RUNX1: variants seen among roughly 807,000 people sequenced by gnomAD.
The protein encoded by RUNX1 is runt-related transcription factor 1.
Under a neutral mutation model 42.8 loss-of-function variants are expected in RUNX1, and 19 were observed. That is an observed-to-expected ratio of 0.44 (90% CI 0.31 to 0.65). RUNX1 has a LOEUF of 0.65. Among genes scored for constraint, RUNX1 ranks in the 30% least tolerant of loss-of-function variants. The pLI, the probability that RUNX1 is intolerant of heterozygous loss-of-function variation, is 0.07. For synonymous variants in RUNX1, 271 were observed against 289.4 expected (o/e 0.94, Z 0.64); for missense variants, 528 against 672.0 (o/e 0.79, Z 2.37).
At chr21:34,813,412 C>T (rs1336429556) in intron 7 of RUNX1, among the ~76,000 whole-genome samples, 1 of 152,084 alleles carries the variant, frequency 6.6e-6, no homozygotes, top group Admixed American at 6.5e-5. Context: ...CAGCATTGTC[C>T]CCTGGGCACA....
At chr21:34,804,721 A>G (rs2056654432) in intron 7 of RUNX1, among the ~76,000 whole-genome samples, 1 of 150,150 alleles carries the variant, frequency 6.7e-6, no homozygotes. Flanking sequence ...GAGATGGATG[A>G]TGTAGGCAGG....
At chr21:34,859,001 A>G (rs1264136235) in intron 6 of RUNX1, among the ~76,000 whole-genome samples, 2 of 152,208 alleles carry the variant, frequency 1.3e-5, no homozygotes, top group Admixed American at 1.3e-4. Context: ...TGTGCCATAG[A>G]AAGAAAAGGG....
intron 5 of RUNX1, among the ~76,000 whole-genome samples, chr21:34,860,386 T>C (rs2057555973): frequency 6.6e-6 from 1 of 152,248 alleles, no homozygotes. Flanking sequence ...GACACCTCTA[T>C]GTTCCTCAGT....
chr21:34,995,083 C>A (rs2058983322), intron 2 of RUNX1, among the ~76,000 whole-genome samples: 1 of 152,214 alleles, frequency 6.6e-6, no homozygotes, highest in Non-Finnish European at 1.5e-5. Flanking sequence ...TAGCCGAAGT[C>A]AGCAATGGAT....
intron 2 of RUNX1, among the ~76,000 whole-genome samples, chr21:34,942,837 T>C (rs1457658169): frequency 1.3e-5 from 2 of 152,166 alleles, no homozygotes; most frequent in African/African-American, 4.8e-5. Context: ...CTTTGTGTTA[T>C]GAGAGGAAAA....
intron 7 of RUNX1, among the ~76,000 whole-genome samples, chr21:34,830,964 C>T (rs952229690): frequency 6.6e-6 from 1 of 152,062 alleles, no homozygotes; most frequent in Non-Finnish European, 1.5e-5. Context: ...ATTACGACAC[C>T]TTAAATGTGA....
chr21:34,828,971 T>C (rs2057027673), intron 7 of RUNX1, among the ~76,000 whole-genome samples: 1 of 152,242 alleles, frequency 6.6e-6, no homozygotes, highest in African/African-American at 2.4e-5. Flanking sequence ...TTTTGAGTGT[T>C]AACCATGGGC....
chr21:34,822,138 C>T (rs567500688), intron 7 of RUNX1, among the ~76,000 whole-genome samples: 1 of 152,180 alleles, frequency 6.6e-6, no homozygotes, highest in South Asian at 2.1e-4. Flanking sequence ...TCCAGAATGA[C>T]AGAATGTTAG....
At chr21:34,871,557 C>A (rs1336851451) in intron 5 of RUNX1, among the ~76,000 whole-genome samples, 4 of 152,164 alleles carry the variant, frequency 2.6e-5, no homozygotes, top group African/African-American at 9.7e-5. Flanking sequence ...GGGAGTCTCC[C>A]TACGGATTTT....
At chr21:34,851,484 C>CT (rs1284572240) in intron 6 of RUNX1, among the ~76,000 whole-genome samples, 1 of 152,246 alleles carries the variant, frequency 6.6e-6, no homozygotes, top group African/African-American at 2.4e-5. Flanking sequence ...TTCACACCCA[C>CT]TGGCCTGGTG....
chr21:34,948,157 A>G (rs2058579419), intron 2 of RUNX1, among the ~76,000 whole-genome samples: 1 of 151,746 alleles, frequency 6.6e-6, no homozygotes, highest in Admixed American at 6.6e-5. Context: ...GATTTAGAAT[A>G]GGTAAATATT....
chr21:34,891,486 A>T (rs1000954355), intron 3 of RUNX1, among the ~76,000 whole-genome samples: 7 of 152,036 alleles, frequency 4.6e-5, no homozygotes, highest in South Asian at 2.1e-4. Context: ...GGGAAAGGGA[A>T]CCCCTTAGTC....
intron 2 of RUNX1, among the ~76,000 whole-genome samples, chr21:35,017,048 G>A (rs1429569508): frequency 6.6e-6 from 1 of 152,028 alleles, no homozygotes; most frequent in Non-Finnish European, 1.5e-5. Context: ...GGGTGGGAAG[G>A]AGTGGGTGGA....
chr21:34,998,791 T>TC (rs2059017729), intron 2 of RUNX1, among the ~76,000 whole-genome samples: 2 of 152,208 alleles, frequency 1.3e-5, no homozygotes, highest in Admixed American at 1.3e-4. Flanking sequence ...TCCGCCCGCC[T>TC]TGCCCTCCCA....
At chr21:34,832,226 C>T (rs1249664231) in intron 7 of RUNX1, among the ~76,000 whole-genome samples, 13 of 152,182 alleles carry the variant, frequency 8.5e-5, no homozygotes, top group Non-Finnish European at 1.5e-5. Flanking sequence ...GAATGCCCAT[C>T]ACACGGTCCA....
In RUNX1 at chr21:34,888,430, A is replaced by G. The variant is rs558589211; in HGVS notation, c.98-1334T>C. The G allele has an allele frequency of 9.4e-6, 10 of 1,066,972 alleles. No homozygotes were observed. In the East Asian group the frequency reaches 4.9e-4, roughly 53 times the overall value. 66.1% of individuals were successfully genotyped at this position (1,066,972 alleles called of 1,614,324 possible). The stretch of plus-strand genomic sequence containing the variant: ...TGTAAAAGGAAAACAATTGGGGAAA[A>G]GTTCGCAGCCAGGAAAGAAGTTGAA... On this transcript the variant is annotated intron_variant, in intron 3 of 8. Coordinates refer to ENST00000675419, the MANE Select transcript of RUNX1 (RefSeq NM_001754.5).
At chr21:34,943,575 G>A (rs972594285) in intron 2 of RUNX1, among the ~76,000 whole-genome samples, 1 of 152,178 alleles carries the variant, frequency 6.6e-6, no homozygotes, top group African/African-American at 2.4e-5. Context: ...AATATGGCTT[G>A]GGGAGGGAAC....
chr21:34,911,538 T>C (rs942631623), intron 2 of RUNX1, among the ~76,000 whole-genome samples: 8 of 152,168 alleles, frequency 5.3e-5, no homozygotes, highest in Non-Finnish European at 1.0e-4. Flanking sequence ...CCAACCCTCC[T>C]GGGCAGCGAA....
chr21:34,849,392 AATATAT>A (rs2057377827), intron 6 of RUNX1, among the ~76,000 whole-genome samples: 1 of 50,280 alleles, frequency 2.0e-5, no homozygotes, highest in African/African-American at 7.8e-5. Context: ...TAGTATATAT[AATATAT>A]TATACTATAT....
Sources: allele counts gnomAD v4.1 joint callset (sites outside exome capture counted in the v4.1 genomes callset), GRCh38; gene constraint gnomAD v4.1.1; transcripts MANE v1.5; gene names NCBI Gene and HGNC (gene_info 2026-07-23, HGNC 2026-07-21).